The following PTPRN2 variants were observed in gnomAD, a reference collection of about 807,000 sequenced individuals.
PTPRN2 encodes protein tyrosine phosphatase receptor type N2.
Under a neutral mutation model 118.8 loss-of-function variants are expected in PTPRN2, and 74 were observed. The observed-to-expected ratio is 0.62, with a 90% CI of 0.52 to 0.76. PTPRN2 has a LOEUF of 0.76. PTPRN2 is among the 30% of genes least tolerant of loss of function. The pLI, the probability that PTPRN2 is intolerant of heterozygous loss-of-function variation, is 0.00. For synonymous variants in PTPRN2, 641 were observed against 608.0 expected (o/e 1.05, Z -0.80); for missense variants, 1,481 against 1,394.4 (o/e 1.06, Z -0.99).
chr7:158,332,718 T>C (rs1447170424), intron 2 of PTPRN2, among the ~76,000 whole-genome samples: 362 of 118,044 alleles, frequency 3.1e-3, no homozygotes, highest in African/African-American at 0.011. Context: ...AGATGTCACT[T>C]ACACCCACAC....
chr7:158,476,062 A>G (rs28496170), intron 2 of PTPRN2, among the ~76,000 whole-genome samples: 36,980 of 152,126 alleles, frequency 0.24, 5,016 homozygotes, highest in East Asian at 0.4. Flanking sequence ...CCCAGGCTGG[A>G]GTGCAAAGGC....
At position 158,368,518 on chromosome 7, in the gene PTPRN2, T is replaced by G. The variant is rs1196348195; in HGVS notation, c.164-51586A>C. The stretch of plus-strand genomic sequence containing the variant: ...GACAGCCACACTTTGAAAAGCTCAG[T>G]GTGGACTTTTAGGTGAAGTTCATAT... On this transcript the variant is annotated intron_variant, in intron 2 of 22. Transcript: ENST00000389418. 2.6e-5 allele frequency among the ~76,000 whole-genome samples: 4 copies of G among 152,200 alleles called. No homozygotes were observed. In the East Asian group the frequency reaches 5.8e-4, roughly 22 times the overall value.
chr7:157,800,876 C>T (rs1208419396), intron 12 of PTPRN2, among the ~76,000 whole-genome samples: 1 of 151,562 alleles, frequency 6.6e-6, no homozygotes, highest in Non-Finnish European at 1.5e-5. Flanking sequence ...GGCGTGAACC[C>T]GGGAGGCGGA....
At chr7:158,324,676 T>G (rs944464666) in intron 2 of PTPRN2, among the ~76,000 whole-genome samples, 1 of 142,468 alleles carries the variant, frequency 7.0e-6, no homozygotes, top group Admixed American at 7.2e-5. Context: ...AGTGGACCTC[T>G]GTTCTTCAGA....
At chr7:158,217,454 C>A (rs1828032941) in intron 3 of PTPRN2, among the ~76,000 whole-genome samples, 1 of 152,150 alleles carries the variant, frequency 6.6e-6, no homozygotes, top group Admixed American at 6.5e-5. Context: ...AAACAAAAAG[C>A]CCTATCCCCA....
rs1348341554 is a variant in PTPRN2 at position 157,874,950 on chromosome 7, C to G, written c.1788+23723G>C. On this transcript the variant is annotated intron_variant, in intron 12 of 22. Transcript: ENST00000389418. The surrounding 1 kb of genome is among the most constrained non-coding windows in gnomAD (Gnocchi z 5.8). ...ACAGAGAAACACTTGTGCACGGAGA[C>G]ACACTTGTGCACATACACAGAGACA... 6.6e-6 allele frequency among the ~76,000 whole-genome samples: 1 copy of G among 151,762 alleles called. No homozygotes were observed. Among genetic ancestry groups the G allele is most frequent in the East Asian group, 1.9e-4 (1 of 5,176 alleles).
intron 11 of PTPRN2, among the ~76,000 whole-genome samples, chr7:157,985,761 G>A (rs1394594772): frequency 1.3e-5 from 2 of 152,224 alleles, no homozygotes; most frequent in African/African-American, 4.8e-5. Context: ...AAACTCCTGA[G>A]GGAGGTGCAC....
intron 19 of PTPRN2, among the ~76,000 whole-genome samples, chr7:157,572,007 C>G (rs961018641): frequency 1.3e-5 from 2 of 152,188 alleles, no homozygotes; most frequent in Non-Finnish European, 2.9e-5. Flanking sequence ...ATCTAAATTA[C>G]GGAGAAACCT....
intron 2 of PTPRN2, among the ~76,000 whole-genome samples, chr7:158,468,242 A>C (rs530715104): frequency 6.6e-6 from 1 of 152,356 alleles, no homozygotes; most frequent in South Asian, 2.1e-4. Context: ...CCACAGAGAA[A>C]TATCTTTCAT....
chr7:157,548,231 CAACA>C (rs1015846771), intron 22 of PTPRN2, among the ~76,000 whole-genome samples: 3 of 152,130 alleles, frequency 2.0e-5, no homozygotes, highest in South Asian at 2.1e-4. Flanking sequence ...GCAACAACAA[CAACA>C]AACAAACAAC....
At chr7:157,599,415 G>A (rs189220264) in intron 16 of PTPRN2, among the ~76,000 whole-genome samples, 1 of 152,332 alleles carries the variant, frequency 6.6e-6, no homozygotes, top group East Asian at 1.9e-4. Context: ...TGCTAGTGAG[G>A]TGTGTTCCTC....
chr7:157,653,228 G>A (rs891887515), intron 14 of PTPRN2, among the ~76,000 whole-genome samples: 2 of 152,134 alleles, frequency 1.3e-5, no homozygotes, highest in Non-Finnish European at 2.9e-5. Flanking sequence ...CAGATGCCAC[G>A]TTTTGTCCAA....
chr7:158,423,822 AGAT>A (rs1234026958), intron 2 of PTPRN2, among the ~76,000 whole-genome samples: 1 of 152,102 alleles, frequency 6.6e-6, no homozygotes, highest in Non-Finnish European at 1.5e-5. Flanking sequence ...CTCATTTTCT[AGAT>A]GAGGAAAGAG....
At chr7:157,628,272 C>T (rs149584771) in intron 14 of PTPRN2, among the ~76,000 whole-genome samples, 10 of 152,340 alleles carry the variant, frequency 6.6e-5, no homozygotes, top group South Asian at 4.1e-4. Context: ...GCACAAATGT[C>T]GTCAGCACCG....
chr7:158,133,359 G>T lies in PTPRN2; in HGVS notation c.1556+318C>A, dbSNP rs890564543. 2.6e-5 allele frequency among the ~76,000 whole-genome samples: 4 copies of T among 152,258 alleles called. No homozygotes were observed. The East Asian group carries it at 5.8e-4, about 22-fold the overall frequency. On this transcript the variant is annotated intron_variant, in intron 9 of 22. Transcript: ENST00000389418. ...CCGCCGCTGAAGGTGATTCTGACCC[G>T]CAGAGAGGCGCGGCCTGCAGGTGAC... is the stretch of plus-strand genomic sequence containing the variant.
At chr7:157,842,739 C>G (rs148861884) in intron 12 of PTPRN2, among the ~76,000 whole-genome samples, 2 of 152,266 alleles carry the variant, frequency 1.3e-5, no homozygotes, top group East Asian at 3.9e-4. Context: ...GCCCCTGTCT[C>G]CGCCACAGTG....
rs1443096184 is a variant in PTPRN2, at chr7:157,964,184, A to G, written c.1724-65447T>C. Among the ~76,000 whole-genome samples the G allele has an allele frequency of 6.6e-6, 1 of 152,094 alleles. No homozygotes were observed. The highest frequency in any genetic ancestry group is 6.5e-5 in the Admixed American group (1 of 15,268). ...GGGACAGCTGGGTGGGGTAGTGTTG[A>G]GTTCTGGTCCTGGTCCCACCGACCT... On this transcript the variant is annotated intron_variant, in intron 11 of 22. Transcript: ENST00000389418. This position sits in a 1 kb window ranked among gnomAD's most constrained non-coding sequence, Gnocchi z 9.0.
intron 12 of PTPRN2, among the ~76,000 whole-genome samples, chr7:157,790,384 A>C (rs1039813529): frequency 3.9e-5 from 6 of 151,914 alleles, no homozygotes; most frequent in African/African-American, 7.3e-5. Context: ...CCTGGAGTAC[A>C]TGCTCAGGAA....
intron 11 of PTPRN2, among the ~76,000 whole-genome samples, chr7:157,934,218 TC>T (rs1799568337): frequency 6.6e-6 from 1 of 152,224 alleles, no homozygotes; most frequent in Admixed American, 6.5e-5. Flanking sequence ...TTTCTTCTGA[TC>T]CTATCTTGTG....
Sources: gnomAD v4.1 joint callset for allele counts (sites outside exome capture counted in the v4.1 genomes callset) on GRCh38, gnomAD v4.1.1 for gene constraint, Gnocchi (gnomAD v3.1) non-coding constraint, MANE v1.5 for transcripts, NCBI Gene and HGNC (gene_info 2026-07-23, HGNC 2026-07-21) for gene names.